The following GALK2 variants were observed in gnomAD, a reference collection of about 807,000 sequenced individuals.
GALK2 encodes the protein galactokinase 2.
In GALK2, 36 loss-of-function variants were observed where a neutral mutation model predicts 52.4. That is an observed-to-expected ratio of 0.69 (90% CI 0.53 to 0.91). GALK2 has a LOEUF of 0.91. Ranked by LOEUF, GALK2 falls within the 40% of genes least tolerant of loss-of-function variation. The probability of loss-of-function intolerance (pLI) is 0.00; values close to 1 mark genes in which losing one functional copy is unlikely to be tolerated. For synonymous variants in GALK2, 176 were observed against 199.1 expected (o/e 0.88, Z 0.98); for missense variants, 579 against 559.1 (o/e 1.04, Z -0.36).
At chr15:49,301,759 A>G (rs760547448) in intron 8 of GALK2, among the ~76,000 whole-genome samples, 59 of 152,184 alleles carry the variant, frequency 3.9e-4, no homozygotes, top group Non-Finnish European at 6.8e-4. Flanking sequence ...TACTTCAGTT[A>G]TCAACTTTGC....
At chr15:49,264,522 C>A (rs1267339851) in intron 5 of GALK2, among the ~76,000 whole-genome samples, 2 of 152,208 alleles carry the variant, frequency 1.3e-5, no homozygotes, top group Non-Finnish European at 2.9e-5. Context: ...TGAATGTCCT[C>A]CCAACGTAGC....
upstream of GALK2, among the ~76,000 whole-genome samples, chr15:49,166,641 C>T (rs1323122858): frequency 4.6e-5 from 7 of 151,984 alleles, no homozygotes; most frequent in African/African-American, 1.5e-4. Flanking sequence ...ACCCGGAAGG[C>T]GGAGGTTGCA....
intron 9 of GALK2, among the ~76,000 whole-genome samples, chr15:49,321,999 G>T (rs929099507): frequency 6.6e-6 from 1 of 152,238 alleles, no homozygotes; most frequent in Admixed American, 6.5e-5. Flanking sequence ...TCTGAGCTCT[G>T]TGAGCTGGAA....
intron 1 of GALK2, among the ~76,000 whole-genome samples, chr15:49,184,021 T>C (rs2086167134): frequency 6.6e-6 from 1 of 152,196 alleles, no homozygotes; most frequent in Non-Finnish European, 1.5e-5. Flanking sequence ...TGTTTCTTTG[T>C]TGATTTTCTG....
At chr15:49,282,162 C>G in intron 6 of GALK2, 77 bp downstream of exon 6, 2 of 997,638 alleles carry the variant, frequency 2.0e-6, no homozygotes, top group Non-Finnish European at 3.1e-6. Flanking sequence ...GCCCTGAGAG[C>G]CCCAGGATGC....
intron 3 of GALK2, among the ~76,000 whole-genome samples, chr15:49,358,309 AGAC>A (rs2043541852): frequency 8.2e-6 from 1 of 121,448 alleles, no homozygotes; most frequent in African/African-American, 3.2e-5. Context: ...CCCTGTTTGC[AGAC>A]GACATGATTG....
At chr15:49,351,744 G>A (rs1031712830) in intron 3 of GALK2, among the ~76,000 whole-genome samples, 3 of 119,606 alleles carry the variant, frequency 2.5e-5, no homozygotes, top group Admixed American at 8.1e-5. Flanking sequence ...CCCAATGGAT[G>A]TCTCAGCTGA....
chr15:49,358,143 C>A (rs2043507665), intron 3 of GALK2, among the ~76,000 whole-genome samples: 1 of 151,440 alleles, frequency 6.6e-6, no homozygotes, highest in Non-Finnish European at 1.5e-5. Flanking sequence ...ACTGAATGGG[C>A]AAAAACTGGA....
chr15:49,192,970 C>G (rs925310244), intron 1 of GALK2, among the ~76,000 whole-genome samples: 2 of 144,222 alleles, frequency 1.4e-5, no homozygotes, highest in Admixed American at 1.4e-4. Context: ...ATGAAACTAT[C>G]TTTTGTTATG....
intron 7 of GALK2, among the ~76,000 whole-genome samples, chr15:49,289,560 C>A (rs2033723533): frequency 6.6e-6 from 1 of 152,122 alleles, no homozygotes; most frequent in African/African-American, 2.4e-5. Flanking sequence ...TCCTTGAGAG[C>A]CACCTCAATC....
intron 2 of GALK2, among the ~76,000 whole-genome samples, chr15:49,201,637 C>T (rs2141307329): frequency 6.6e-6 from 1 of 152,256 alleles, no homozygotes; most frequent in East Asian, 1.9e-4. Context: ...AAGTGTGGTC[C>T]AGAATTTGCA....
chr15:49,265,191 C>G (rs1166753244), intron 5 of GALK2, among the ~76,000 whole-genome samples: 1 of 152,216 alleles, frequency 6.6e-6, no homozygotes, highest in Admixed American at 6.5e-5. Flanking sequence ...CCTACAGAGG[C>G]AGGCAGGCCT....
rs555473624 is a variant in GALK2 at position 49,221,682 on chromosome 15, A to C, written c.266+4369A>C. Reference sequence around the variant, plus strand: ...AATCTCTGTCTTGAAAAAAATAAAAAAATTAAAAAAAAAAGAAAATGAGTT... The same window carrying C: ...AATCTCTGTCTTGAAAAAAATAAAACAATTAAAAAAAAAAGAAAATGAGTT... On this transcript the variant is annotated intron_variant, in intron 3 of 9. Coordinates refer to ENST00000560031, the MANE Select transcript of GALK2 (RefSeq NM_002044.4). Among the ~76,000 whole-genome samples the C allele has an allele frequency of 1.3e-4, 20 of 152,080 alleles. No individual in the cohort carries two copies. The South Asian group carries it at 4.0e-3, about 30-fold the overall frequency.
At chr15:49,317,059 G>T (rs958310662) in intron 8 of GALK2, among the ~76,000 whole-genome samples, 2 of 152,128 alleles carry the variant, frequency 1.3e-5, no homozygotes, top group Non-Finnish European at 2.9e-5. Flanking sequence ...ATAACAATAT[G>T]GGGGGAATGT....
chr15:49,192,905 A>G (rs535882396), intron 1 of GALK2, among the ~76,000 whole-genome samples: 2 of 151,818 alleles, frequency 1.3e-5, no homozygotes, highest in Admixed American at 1.3e-4. Flanking sequence ...CTGCCTTGGC[A>G]TCCCCAAGTA....
chr15:49,175,822 G>A (rs1476770632), intron 1 of GALK2, among the ~76,000 whole-genome samples: 1 of 152,150 alleles, frequency 6.6e-6, no homozygotes, highest in Non-Finnish European at 1.5e-5. Context: ...GCATAAAAAA[G>A]CACTGTGAAG....
chr15:49,238,603 C>G (rs1389749331), intron 4 of GALK2, among the ~76,000 whole-genome samples: 1 of 152,182 alleles, frequency 6.6e-6, no homozygotes, highest in African/African-American at 2.4e-5. Flanking sequence ...ATTCAGAGAC[C>G]TGGGCCCTAC....
intron 5 of GALK2, among the ~76,000 whole-genome samples, chr15:49,258,511 C>T (rs1445730135): frequency 2.6e-5 from 4 of 151,934 alleles, no homozygotes; most frequent in African/African-American, 9.7e-5. Flanking sequence ...AACAGTGACA[C>T]AATGAAGTAG....
Position 49,186,542 on chromosome 15 carries a change from C to CTT in GALK2, c.54-14605_54-14604dup, listed in dbSNP as rs71299506. On this transcript the variant is annotated intron_variant, in intron 1 of 9. Transcript: ENST00000560031. Reference sequence around the variant, plus strand: ...TCTCTGTATTGTCCTGAATTTTTTTCTTTTTTTTTTTTTTTTGAGATGGAG... The same window carrying CTT: ...TCTCTGTATTGTCCTGAATTTTTTTCTTTTTTTTTTTTTTTTTTGAGATGGAG... Among the ~76,000 whole-genome samples the CTT allele has an allele frequency of 1.2e-3, 151 of 131,060 alleles. 1 individual carries two copies. Among genetic ancestry groups the CTT allele is most frequent in the Middle Eastern group, 4.1e-3 (1 of 244 alleles). The allele number at this position is 131,060 out of a possible 152,430, so 86.0% of individuals were successfully genotyped here. A position where few individuals can be genotyped will look rare whatever the true frequency, so the allele number is the denominator to read the frequency against.
Sources: allele counts gnomAD v4.1 joint callset (sites outside exome capture counted in the v4.1 genomes callset), GRCh38; gene constraint gnomAD v4.1.1; transcripts MANE v1.5; gene names NCBI Gene and HGNC (gene_info 2026-07-23, HGNC 2026-07-21).